Variants in AK3 observed in about 807,000 individuals in gnomAD.
The protein encoded by AK3 is GTP:AMP phosphotransferase AK3, mitochondrial.
In AK3, 27 loss-of-function variants were observed where a neutral mutation model predicts 23.7. The ratio of observed to expected loss-of-function variants is 1.14; its 90% CI spans 0.84 to 1.57. The LOEUF is 1.57. Ranked by LOEUF, AK3 falls within the 40% of genes most tolerant of loss-of-function variation. The pLI, the probability that AK3 is intolerant of heterozygous loss-of-function variation, is 0.00. For missense variants in AK3, 406 were observed against 285.6 expected (o/e 1.42, Z -3.04); for synonymous variants, 159 against 116.0 (o/e 1.37, Z -2.38).
chr9:4,718,481 C>T lies in AK3; in HGVS notation c.501G>A (p.Glu167=), dbSNP rs201566150. 5 of 1,613,750 alleles carry T rather than the reference C, an allele frequency of 3.1e-6. No individual in the cohort carries two copies. Among genetic ancestry groups the T allele is most frequent in the African/African-American group, 1.3e-5 (1 of 75,038 alleles). The change falls in exon 4 of 5, where the codon GAG becomes GAA. Residue 167 remains glutamate, a synonymous_variant. Transcript: ENST00000381809. ...PLIQREDDKP[E]TVIKRLKAYE... ...AAGCCTTTAGTCTCTTGATAACCGT[C>T]TCTGGTTTATCATCCTCACGCTGAA...
At position 4,710,376 on chromosome 9, in the gene AK3, T is replaced by A; in HGVS notation, c.*2600A>T. On this transcript the variant is annotated 3_prime_UTR_variant, in exon 5 of 5. Transcript: ENST00000381809. ...GCGCCCGCCACCATGCCCGGCTAAT[T>A]TTTTTTTTTTTTTTTTGTATTTTTA... is the stretch of plus-strand genomic sequence containing the variant. 2.1e-5 allele frequency: 1 copy of A among 46,588 alleles called. No homozygotes were observed. Among genetic ancestry groups the A allele is most frequent in the Admixed American group, 1.9e-4 (1 of 5,206 alleles). 2.9% of individuals were successfully genotyped at this position (46,588 alleles called of 1,614,324 possible).
chr9:4,718,819 A>AAACTTGGAATTTC (rs1444714501), intron 3 of AK3, among the ~76,000 whole-genome samples: 1 of 152,222 alleles, frequency 6.6e-6, no homozygotes, highest in Non-Finnish European at 1.5e-5. Context: ...ATTCAGCTAT[A>AAACTTGGAATTTC]AACTTGGAAT....
chr9:4,724,294 C>A (rs942611315), intron 1 of AK3, among the ~76,000 whole-genome samples: 1 of 152,098 alleles, frequency 6.6e-6, no homozygotes, highest in Non-Finnish European at 1.5e-5. Flanking sequence ...TTCTCTAGGG[C>A]CAAGTCCCAA....
intron 1 of AK3, among the ~76,000 whole-genome samples, chr9:4,729,704 G>A (rs1842110155): frequency 6.6e-6 from 1 of 151,946 alleles, no homozygotes; most frequent in African/African-American, 2.4e-5. Context: ...GTGCATGCCT[G>A]TAGTCCCAGC....
intron 1 of AK3, among the ~76,000 whole-genome samples, chr9:4,737,550 T>C (rs951298383): frequency 4.6e-5 from 7 of 152,038 alleles, no homozygotes; most frequent in Non-Finnish European, 1.0e-4. Context: ...CAAAACCATC[T>C]CTACTGAAAA....
chr9:4,714,559 C>G (rs528606368), intron 4 of AK3, among the ~76,000 whole-genome samples: 2 of 152,314 alleles, frequency 1.3e-5, no homozygotes, highest in Admixed American at 6.5e-5. Flanking sequence ...CTGTTGTAAG[C>G]CTCTTGAAGA....
intron 1 of AK3, among the ~76,000 whole-genome samples, chr9:4,732,642 A>G (rs2130905789): frequency 6.6e-6 from 1 of 152,368 alleles, no homozygotes; most frequent in South Asian, 2.1e-4. Flanking sequence ...CCAACTTTTA[A>G]GGATAATAAC....
Position 4,732,083 on chromosome 9 carries a change from G to A in AK3, c.151+8854C>T, listed in dbSNP as rs1352178552. ...TCCCACCTCAACCTCCCAAGTAGCT[G>A]GGAAAACAGGCACACACCACAATGC... is the stretch of plus-strand genomic sequence containing the variant. On this transcript the variant is annotated intron_variant, in intron 1 of 4. Transcript: ENST00000381809. Among the ~76,000 whole-genome samples, 3 of 151,642 alleles carry A rather than the reference G, an allele frequency of 2.0e-5. No individual in the cohort carries two copies. In the Admixed American group the frequency reaches 2.0e-4, roughly 10 times the overall value.
At chr9:4,733,060 G>T (rs1842191995) in intron 1 of AK3, among the ~76,000 whole-genome samples, 1 of 151,656 alleles carries the variant, frequency 6.6e-6, no homozygotes, top group Non-Finnish European at 1.5e-5. Context: ...TGTTGCCCAG[G>T]CTGGTCTCAA....
At chr9:4,729,480 G>C (rs565053189) in intron 1 of AK3, among the ~76,000 whole-genome samples, 30 of 151,882 alleles carry the variant, frequency 2.0e-4, no homozygotes, top group African/African-American at 5.8e-4. Context: ...TTGCAGGGAG[G>C]GGGGAAAGAC....
At chr9:4,717,274 G>A (rs1841761835) in intron 4 of AK3, among the ~76,000 whole-genome samples, 1 of 152,286 alleles carries the variant, frequency 6.6e-6, no homozygotes, top group African/African-American at 2.4e-5. Context: ...AGGGGAGGCA[G>A]TCAATCCTCT....
chr9:4,728,852 T>TACACAC (rs1224091484), intron 1 of AK3, among the ~76,000 whole-genome samples: 1,053 of 25,966 alleles, frequency 0.041, 11 homozygotes, highest in South Asian at 0.075. Flanking sequence ...TATATATATA[T>TACACAC]ATATATATAT....
intron 4 of AK3, among the ~76,000 whole-genome samples, chr9:4,716,947 A>G (rs1014717006): frequency 2.6e-5 from 4 of 152,206 alleles, no homozygotes; most frequent in Admixed American, 6.5e-5. Context: ...AAATAAATAA[A>G]TAACAGTTTG....
intron 3 of AK3, 106 bp from the exon 4 acceptor site, chr9:4,718,643 C>T (rs1841803403): frequency 3.6e-6 from 3 of 838,304 alleles, no homozygotes; most frequent in Non-Finnish European, 5.6e-6. Context: ...AAGTGCCAAG[C>T]ACAAAAATGT....
chr9:4,716,400 G>GACTTTCCAGGATCTC (rs1187645699), intron 4 of AK3, among the ~76,000 whole-genome samples: 1 of 152,142 alleles, frequency 6.6e-6, no homozygotes, highest in East Asian at 1.9e-4. Flanking sequence ...GCTGTTGTAG[G>GACTTTCCAGGATCTC]ACTTTCCAGG....
Position 4,741,000 on chromosome 9 carries a change from G to A in AK3, c.88C>T (p.His30Tyr), listed in dbSNP as rs752288305. 5.6e-6 allele frequency: 9 copies of A among 1,596,532 alleles called. No individual in the cohort carries two copies. Among genetic ancestry groups the A allele is most frequent in the Non-Finnish European group, 7.7e-6 (9 of 1,173,254 alleles). The change falls in exon 1 of 5, where the codon CAC becomes TAC. Residue 30 changes from histidine to tyrosine, a missense_variant. By Grantham distance (83) the His-to-Tyr change is moderately conservative. Coordinates refer to ENST00000381809, the MANE Select transcript of AK3 (RefSeq NM_016282.4). ...KGTVSSRITT[H>Y]FELKHLSSGD... ...CTGGAGAGGTGCTTCAGCTCGAAGT[G>A]TGTAGTGATGCGCGACGACACGGTG...
rs891413181 is a variant in AK3 at position 4,713,195 on chromosome 9, G to A, written c.564-99C>T. 7 of 1,457,912 alleles carry A rather than the reference G, an allele frequency of 4.8e-6. No individual in the cohort carries two copies. In the African/African-American group the frequency reaches 7.1e-5, roughly 15 times the overall value. 90.3% of individuals were successfully genotyped at this position (1,457,912 alleles called of 1,614,324 possible). A position where few individuals can be genotyped will look rare whatever the true frequency, so the allele number is the denominator to read the frequency against. The stretch of plus-strand genomic sequence containing the variant: ...TGTAAATAATGATATTGTAGATATA[G>A]GAGTCTTGGTAAGTATAGATTTGTG... On this transcript the variant is annotated intron_variant, in intron 4 of 4. Transcript: ENST00000381809.
chr9:4,731,221 T>C (rs1415695001), intron 1 of AK3, among the ~76,000 whole-genome samples: 1 of 152,214 alleles, frequency 6.6e-6, no homozygotes, highest in Non-Finnish European at 1.5e-5. Flanking sequence ...ATCACCCAGG[T>C]ATTAAGCTAG....
At chr9:4,739,716 G>A (rs553161633) in intron 1 of AK3, among the ~76,000 whole-genome samples, 2 of 152,106 alleles carry the variant, frequency 1.3e-5, no homozygotes, top group African/African-American at 4.8e-5. Context: ...TGGATCACGA[G>A]GTCAGGAGAT....
Sources: allele counts gnomAD v4.1 joint callset (sites outside exome capture counted in the v4.1 genomes callset), GRCh38; gene constraint gnomAD v4.1.1; transcripts MANE v1.5; gene names NCBI Gene and HGNC (gene_info 2026-07-23, HGNC 2026-07-21).